TWSG1: variants seen among roughly 807,000 people sequenced by gnomAD.
TWSG1 encodes twisted gastrulation BMP signaling modulator 1, also known as twisted gastrulation protein homolog 1.
A neutral mutation model predicts 23.0 loss-of-function variants in TWSG1; 15 were observed. That is an observed-to-expected ratio of 0.65 (90% CI 0.44 to 1.00). The LOEUF (loss-of-function observed/expected upper bound fraction) is 1.00. TWSG1 is among the 50% of genes least tolerant of loss of function. The pLI is 0.00. For synonymous variants in TWSG1, 86 were observed against 92.8 expected (o/e 0.93, Z 0.42); for missense variants, 242 against 278.7 (o/e 0.87, Z 0.94).
intron 3 of TWSG1, among the ~76,000 whole-genome samples, chr18:9,386,588 A>G (rs1469801236): frequency 1.3e-5 from 2 of 150,750 alleles, no homozygotes; most frequent in Non-Finnish European, 3.0e-5. Flanking sequence ...TAAAAAAAAA[A>G]GAAAAAAGGA....
At chr18:9,368,268 C>T (rs1043181022) in intron 3 of TWSG1, among the ~76,000 whole-genome samples, 1 of 152,144 alleles carries the variant, frequency 6.6e-6, no homozygotes, top group East Asian at 1.9e-4. Context: ...GTGGCATGAT[C>T]TTGGCTCACT....
chr18:9,360,026 A>C lies in TWSG1; in HGVS notation c.178A>C (p.Met60Leu). 6.2e-7 allele frequency: 1 copy of C among 1,613,746 alleles called. No individual in the cohort carries two copies. Among genetic ancestry groups the C allele is most frequent in the Non-Finnish European group, 8.5e-7 (1 of 1,179,748 alleles). The change falls in exon 3 of 5, where the codon ATG becomes CTG. Residue 60 changes from methionine to leucine, a missense_variant. Coordinates refer to ENST00000262120, the MANE Select transcript of TWSG1 (RefSeq NM_020648.6). ...EGNCSCCKECMLCLGALWDEC... is the reference protein window; with the variant it reads ...EGNCSCCKECLLCLGALWDEC... ...CAATTGCTCCTGCTGTAAGGAGTGC[A>C]TGCTGTGTCTTGGGGCCCTTTGGGA...
At chr18:9,348,476 T>C (rs1386115844) in intron 2 of TWSG1, among the ~76,000 whole-genome samples, 1 of 152,214 alleles carries the variant, frequency 6.6e-6, no homozygotes, top group African/African-American at 2.4e-5. Context: ...AAATTGCCTG[T>C]GCACAGTTTT....
intron 2 of TWSG1, among the ~76,000 whole-genome samples, chr18:9,353,494 G>A (rs1213836793): frequency 6.6e-6 from 1 of 152,188 alleles, no homozygotes; most frequent in Non-Finnish European, 1.5e-5. Context: ...CTGGTCAATA[G>A]AGAGTAGCTC....
At chr18:9,357,123 G>A (rs2145605022) in intron 2 of TWSG1, among the ~76,000 whole-genome samples, 1 of 152,200 alleles carries the variant, frequency 6.6e-6, no homozygotes, top group Non-Finnish European at 1.5e-5. Context: ...GAGCCTGTCT[G>A]AATCACGCAT....
Position 9,360,045 on chromosome 18 carries a change from T to A in TWSG1, c.197T>A (p.Leu66His). 6.2e-7 allele frequency: 1 copy of A among 1,613,240 alleles called. No homozygotes were observed. Among genetic ancestry groups the A allele is most frequent in the East Asian group, 2.2e-5 (1 of 44,848 alleles). Reference protein sequence around the residue: ...CKECMLCLGALWDECCDCVGM... With the variant: ...CKECMLCLGAHWDECCDCVGM... Reference sequence around the variant, plus strand: ...GAGTGCATGCTGTGTCTTGGGGCCCTTTGGGACGAGTGCTGTGACTGTGTT... The same window carrying A: ...GAGTGCATGCTGTGTCTTGGGGCCCATTGGGACGAGTGCTGTGACTGTGTT... The change falls in exon 3 of 5, where the codon CTT becomes CAT. Residue 66 changes from leucine (L) to histidine (H), a missense_variant. Transcript: ENST00000262120.
chr18:9,375,420 G>A (rs1243790820), intron 3 of TWSG1, among the ~76,000 whole-genome samples: 1 of 152,130 alleles, frequency 6.6e-6, no homozygotes, highest in Non-Finnish European at 1.5e-5. Flanking sequence ...TCCCACTATA[G>A]TCAGGAACAA....
rs553752305 is a variant in TWSG1, at chr18:9,396,433, A to C, written c.377A>C (p.Glu126Ala). 6.2e-7 allele frequency: 1 copy of C among 1,614,216 alleles called. No homozygotes were observed. The highest frequency in any genetic ancestry group is 1.1e-5 in the South Asian group (1 of 91,086). The part of the protein sequence containing the change: ...WNIVSFPVAE[E>A]LSHHENLVSF... ...ATCGTTTCTTTCCCTGTTGCAGAAG[A>C]ACTTTCACATCATGAGAATCTGGTT... Residue 126 changes from glutamate (E) to alanine (A), a missense_variant, in exon 4 of 5, where the codon GAA becomes GCA. Glu to Ala is a moderately radical substitution (Grantham distance 107, BLOSUM62 -1). Coordinates refer to ENST00000262120, the MANE Select transcript of TWSG1 (RefSeq NM_020648.6).
intron 2 of TWSG1, among the ~76,000 whole-genome samples, chr18:9,358,196 T>C (rs2040535865): frequency 6.6e-6 from 1 of 152,028 alleles, no homozygotes; most frequent in Non-Finnish European, 1.5e-5. Context: ...TCTCTTCTCC[T>C]TGTGACCATG....
chr18:9,352,685 G>T (rs2040507342), intron 2 of TWSG1, among the ~76,000 whole-genome samples: 2 of 152,222 alleles, frequency 1.3e-5, no homozygotes, highest in African/African-American at 4.8e-5. Flanking sequence ...TAGCAACAGG[G>T]TTAACAAATC....
chr18:9,372,379 A>ATAAAG (rs1315573273), intron 3 of TWSG1, among the ~76,000 whole-genome samples: 1 of 150,142 alleles, frequency 6.7e-6, no homozygotes, highest in East Asian at 1.9e-4. Flanking sequence ...TAAAAATAAA[A>ATAAAG]TAAAATAATA....
intron 3 of TWSG1, among the ~76,000 whole-genome samples, chr18:9,395,817 T>C (rs2040732122): frequency 6.6e-6 from 1 of 152,206 alleles, no homozygotes; most frequent in South Asian, 2.1e-4. Context: ...TCCTCCCACC[T>C]TGGCCTCCCA....
At position 9,355,235 on chromosome 18, in the gene TWSG1, C is replaced by T. The variant is rs565739374; in HGVS notation, c.124-4737C>T. Among the ~76,000 whole-genome samples, 48 of 152,274 alleles carry T rather than the reference C, an allele frequency of 3.2e-4. 1 individual carries two copies. The South Asian group carries it at 6.6e-3, about 21-fold the overall frequency. On this transcript the variant is annotated intron_variant, in intron 2 of 4. Transcript: ENST00000262120. Reference sequence around the variant, plus strand: ...CCTCCCAAAGTGCTGGGATTACAGGCGTGAGCCACCACACCCGGCCTAAAG... The same window carrying T: ...CCTCCCAAAGTGCTGGGATTACAGGTGTGAGCCACCACACCCGGCCTAAAG...
chr18:9,366,137 T>C (rs1317562327), intron 3 of TWSG1, among the ~76,000 whole-genome samples: 3 of 152,228 alleles, frequency 2.0e-5, no homozygotes, highest in Non-Finnish European at 4.4e-5. Context: ...GTTTGTATAA[T>C]GTTGATATAG....
At chr18:9,396,771 G>A in intron 4 of TWSG1, 1 of 607,916 alleles carries the variant, frequency 1.6e-6, no homozygotes, top group Non-Finnish European at 2.8e-6. Context: ...TAGATAAAAA[G>A]GCATGTCGGC....
At chr18:9,367,117 A>C (rs749488030) in intron 3 of TWSG1, among the ~76,000 whole-genome samples, 2 of 152,006 alleles carry the variant, frequency 1.3e-5, no homozygotes, top group Admixed American at 6.6e-5. Context: ...TTTTTTGTAG[A>C]GATGGGGTCT....
intron 2 of TWSG1, among the ~76,000 whole-genome samples, chr18:9,344,531 A>G (rs150002529): frequency 3.5e-4 from 36 of 102,036 alleles, no homozygotes; most frequent in East Asian, 6.2e-4. Context: ...GTATGTATGT[A>G]TTTTTTTTTT....
rs951567950 is a variant in TWSG1, at chr18:9,354,978, C to T, written c.124-4994C>T. Among the ~76,000 whole-genome samples, 22 of 150,644 alleles carry T rather than the reference C, an allele frequency of 1.5e-4. 1 individual carries two copies. Among genetic ancestry groups the T allele is most frequent in the African/African-American group, 4.6e-4 (19 of 40,964 alleles). On this transcript the variant is annotated intron_variant, in intron 2 of 4. Transcript: ENST00000262120. ...TAAAGTTTTCTTTTTTTTTTTGAGA[C>T]AGAGTCTCGCTCTGTTGTCCAGGCT... is the stretch of plus-strand genomic sequence containing the variant.
intron 3 of TWSG1, among the ~76,000 whole-genome samples, chr18:9,394,461 A>G (rs2040725807): frequency 6.6e-6 from 1 of 152,358 alleles, no homozygotes; most frequent in East Asian, 1.9e-4. Context: ...GTTAAAGGAT[A>G]TAAGATTACA....
Sources: gnomAD v4.1 joint callset for allele counts (sites outside exome capture counted in the v4.1 genomes callset) on GRCh38, gnomAD v4.1.1 for gene constraint, MANE v1.5 for transcripts, NCBI Gene and HGNC (gene_info 2026-07-23, HGNC 2026-07-21) for gene names.